NF1: variants seen among roughly 807,000 people sequenced by gnomAD.
NF1 encodes the protein neurofibromin.
NF1 carries 122 observed loss-of-function variants against 325.7 expected under a neutral mutation model. That is an observed-to-expected ratio of 0.37 (90% CI 0.32 to 0.44). NF1 has a LOEUF of 0.44. Among genes scored for constraint, NF1 ranks in the 20% least tolerant of loss-of-function variants. NF1 has a pLI of 1.00. For missense variants in NF1, 2,140 were observed against 3,415.4 expected (o/e 0.63, Z 9.31); for synonymous variants, 1,091 against 1,186.0 (o/e 0.92, Z 1.65).
Position 31,208,720 on chromosome 17 carries a change from A to G in NF1, c.1392+2349A>G, listed in dbSNP as rs149919133. On this transcript the variant is annotated intron_variant, in intron 12 of 57. Transcript: ENST00000358273. Reference sequence around the variant, plus strand: ...AGCCTGGCCAACATGGTGATACCCTATATCTACTAAAAATACAAAAATTAG... The same window carrying G: ...AGCCTGGCCAACATGGTGATACCCTGTATCTACTAAAAATACAAAAATTAG... Among the ~76,000 whole-genome samples the G allele has an allele frequency of 1.1e-4, 16 of 152,178 alleles. 1 individual carries two copies. Among genetic ancestry groups the G allele is most frequent in the African/African-American group, 3.4e-4 (14 of 41,528 alleles).
intron 36 of NF1, among the ~76,000 whole-genome samples, chr17:31,269,688 C>T (rs889160879): frequency 1.3e-5 from 2 of 152,152 alleles, no homozygotes; most frequent in Non-Finnish European, 2.9e-5. Context: ...CGGTTTTATT[C>T]CCAAGCAGCT....
At chr17:31,295,943 A>G in intron 36 of NF1, 1 of 1,614,100 alleles carries the variant, frequency 6.2e-7, no homozygotes, top group Non-Finnish European at 8.5e-7. Context: ...GTTCTTAGAA[A>G]CATCCAGATA....
chr17:31,165,419 A>G (rs1453475677), intron 4 of NF1, among the ~76,000 whole-genome samples: 1 of 152,192 alleles, frequency 6.6e-6, no homozygotes, highest in African/African-American at 2.4e-5. Flanking sequence ...AGGATCACTC[A>G]CCTAAAAGAC....
At chr17:31,159,309 A>C (rs1043587688) in intron 3 of NF1, among the ~76,000 whole-genome samples, 1 of 152,190 alleles carries the variant, frequency 6.6e-6, no homozygotes, top group African/African-American at 2.4e-5. Context: ...TATTAAGTTT[A>C]CTTATAAAAT....
intron 57 of NF1, among the ~76,000 whole-genome samples, chr17:31,363,933 G>A (rs2070456024): frequency 6.6e-6 from 1 of 150,656 alleles, no homozygotes; most frequent in South Asian, 2.1e-4. Context: ...TAGAAACCCG[G>A]TTTCCCCATG....
At position 31,377,344 on chromosome 17, in the gene NF1, G is replaced by A. The variant is rs548353495; in HGVS notation, c.*3189G>A. On this transcript the variant is annotated 3_prime_UTR_variant, in exon 58 of 58. Coordinates refer to ENST00000358273, the MANE Select transcript of NF1 (RefSeq NM_001042492.3). ...TAACAACAAAAATTTGATTATTCTC[G>A]TGTTAGTATTGTTAACTTCTTTTTG... 198 of 233,208 alleles carry A rather than the reference G, an allele frequency of 8.5e-4. 1 individual carries two copies. Among genetic ancestry groups the A allele is most frequent in the Admixed American group, 1.5e-3 (27 of 17,752 alleles). 14.4% of individuals were successfully genotyped at this position (233,208 alleles called of 1,614,324 possible).
intron 15 of NF1, 98 bp from the exon 16 acceptor site, chr17:31,223,346 A>G (rs2144013612): frequency 7.1e-7 from 1 of 1,417,936 alleles, no homozygotes; most frequent in Admixed American, 1.7e-5. Flanking sequence ...GCTTCTCTAA[A>G]CTTGTATTCA....
intron 30 of NF1, chr17:31,252,607 A>G (rs775720038): frequency 2.6e-4 from 78 of 297,986 alleles, no homozygotes; most frequent in Non-Finnish European, 3.7e-4. Flanking sequence ...ATTTTATATT[A>G]CATTTCTCAA....
At position 31,195,597 on chromosome 17, in the gene NF1, C is replaced by G. The variant is rs117664605; in HGVS notation, c.889-4825C>G. 1.1e-4 allele frequency among the ~76,000 whole-genome samples: 17 copies of G among 152,198 alleles called. No individual in the cohort carries two copies. The East Asian group carries it at 3.1e-3, about 28-fold the overall frequency. On this transcript the variant is annotated intron_variant, in intron 8 of 57. Coordinates refer to ENST00000358273, the MANE Select transcript of NF1 (RefSeq NM_001042492.3). ...TTTCTGTCTCTCTGAATTTGACTAC[C>G]TCATATAAGTGGACTCATACAGTAT...
chr17:31,350,289 T>C lies in NF1; in HGVS notation c.7428T>C (p.Tyr2476=), dbSNP rs181397225. ...ISMENVPMDT[Y]PIHHGDPSYR... ...TGGAAAATGTTCCTATGGATACATATCCCATTCATCATGGTGACCCTTCCT... is the reference window on the plus strand; with the variant it reads ...TGGAAAATGTTCCTATGGATACATACCCCATTCATCATGGTGACCCTTCCT... Residue 2476 remains tyrosine, a synonymous_variant, in exon 50 of 58, where the codon TAT becomes TAC. Transcript: ENST00000358273. 1.2e-6 allele frequency: 2 copies of C among 1,613,020 alleles called. No homozygotes were observed. The highest frequency in any genetic ancestry group is 4.5e-5 in the East Asian group (2 of 44,842).
intron 27 of NF1, among the ~76,000 whole-genome samples, chr17:31,233,717 A>T (rs2067153708): frequency 6.6e-6 from 1 of 152,320 alleles, no homozygotes; most frequent in Non-Finnish European, 1.5e-5. Context: ...ATTTTCCTAA[A>T]ATCACATCAT....
intron 2 of NF1, among the ~76,000 whole-genome samples, chr17:31,157,564 A>G (rs1449306956): frequency 6.6e-6 from 1 of 152,176 alleles, no homozygotes; most frequent in Non-Finnish European, 1.5e-5. Flanking sequence ...CATATAATAC[A>G]TAGTGATCCC....
chr17:31,145,758 A>C (rs1332998431), intron 1 of NF1, among the ~76,000 whole-genome samples: 1 of 152,300 alleles, frequency 6.6e-6, no homozygotes, highest in South Asian at 2.1e-4. Context: ...AATTCTTCTG[A>C]CTAAAGGGAG....
intron 1 of NF1, among the ~76,000 whole-genome samples, chr17:31,104,937 CTT>C (rs1297415686): frequency 6.6e-6 from 1 of 152,192 alleles, no homozygotes; most frequent in Non-Finnish European, 1.5e-5. Context: ...TGAGGTCTCT[CTT>C]TGTTCCTCAG....
chr17:31,150,610 TA>T (rs1426107708), intron 1 of NF1, among the ~76,000 whole-genome samples: 1 of 152,206 alleles, frequency 6.6e-6, no homozygotes, highest in Non-Finnish European at 1.5e-5. Flanking sequence ...CTACTATTTA[TA>T]TGCTCTCACC....
At chr17:31,184,141 C>G (rs1468079528) in intron 8 of NF1, among the ~76,000 whole-genome samples, 2 of 152,116 alleles carry the variant, frequency 1.3e-5, no homozygotes, top group Admixed American at 1.3e-4. Context: ...ATTAAGGACT[C>G]TACTTCTAAT....
chr17:31,188,591 A>G (rs189185441), intron 8 of NF1, among the ~76,000 whole-genome samples: 2 of 152,126 alleles, frequency 1.3e-5, no homozygotes, highest in Non-Finnish European at 2.9e-5. Context: ...GGTTAATACT[A>G]AGTGTCAACT....
intron 35 of NF1, among the ~76,000 whole-genome samples, chr17:31,264,695 A>G (rs1342124231): frequency 2.0e-5 from 3 of 152,238 alleles, no homozygotes; most frequent in Admixed American, 1.3e-4. Flanking sequence ...TGAGCAAACT[A>G]TATAAAAATT....
chr17:31,257,592 T>A (rs2151460816), intron 31 of NF1: 1 of 152,284 alleles, frequency 6.6e-6, no homozygotes, highest in South Asian at 2.1e-4. Context: ...TGGACAACCA[T>A]TTCTTGAGTT....
Sources: allele counts gnomAD v4.1 joint callset (sites outside exome capture counted in the v4.1 genomes callset), GRCh38; gene constraint gnomAD v4.1.1; transcripts MANE v1.5; gene names NCBI Gene and HGNC (gene_info 2026-07-23, HGNC 2026-07-21).